GAB2: variants seen among roughly 807,000 people sequenced by gnomAD.
The protein encoded by GAB2 is GRB2 associated binding protein 2, also known as GRB2-associated-binding protein 2.
A neutral mutation model predicts 65.5 loss-of-function variants in GAB2; 26 were observed. That is an observed-to-expected ratio of 0.40 (90% CI 0.29 to 0.55). The LOEUF (loss-of-function observed/expected upper bound fraction) is 0.55, where lower values mean the gene tolerates loss of function less well. Ranked by LOEUF, GAB2 falls within the 20% of genes least tolerant of loss-of-function variation. The probability of loss-of-function intolerance (pLI) is 0.53; values close to 1 mark genes in which losing one functional copy is unlikely to be tolerated. For synonymous variants in GAB2, 321 were observed against 329.6 expected (o/e 0.97, Z 0.28); for missense variants, 884 against 875.8 (o/e 1.01, Z -0.12).
At chr11:78,303,843 A>G (rs1358910620) in intron 1 of GAB2, among the ~76,000 whole-genome samples, 4 of 152,242 alleles carry the variant, frequency 2.6e-5, no homozygotes, top group Non-Finnish European at 5.9e-5. Context: ...GCAAAGCAAC[A>G]GATGAGCTGT....
At position 78,220,427 on chromosome 11, in the gene GAB2, T is replaced by C. The variant is rs945942305; in HGVS notation, c.1779A>G (p.Ala593=). 3 of 1,583,612 alleles carry C rather than the reference T, an allele frequency of 1.9e-6. No homozygotes were observed. The highest frequency in any genetic ancestry group is 2.6e-6 in the Non-Finnish European group (3 of 1,157,902). ...NYVPMQNPVS[A]SPVPSGTNSP... The stretch of plus-strand genomic sequence containing the variant: ...TGTTCGTGCCACTGGGAACGGGAGA[T>C]GCAGACACTGGGTTTTGCTGTCACG... Residue 593 remains alanine (A), a synonymous_variant, in exon 9 of 10, where the codon GCA becomes GCG. Coordinates refer to ENST00000361507, the MANE Select transcript of GAB2 (RefSeq NM_080491.3).
At position 78,393,532 on chromosome 11, in the gene GAB2, G is replaced by C. The variant is rs568191492; in HGVS notation, c.75+24114C>G. Among the ~76,000 whole-genome samples, 3 of 152,218 alleles carry C rather than the reference G, an allele frequency of 2.0e-5. No individual in the cohort carries two copies. The South Asian group carries it at 6.2e-4, about 32-fold the overall frequency. On this transcript the variant is annotated intron_variant, in intron 1 of 9. Transcript: ENST00000361507. ...TGTCTAATATCAAAGAAGAATCAGG[G>C]AAGCCAAAACTATCCTTTCTGAGAG...
chr11:78,219,310 G>A lies in GAB2; in HGVS notation c.1993C>T (p.Arg665Trp), dbSNP rs747450985. The change falls in exon 10 of 10, where the codon CGG becomes TGG. Residue 665 changes from arginine (R) to tryptophan (W), a missense_variant. Physicochemically the swap from Arg to Trp is moderately radical, Grantham distance 101. Transcript: ENST00000361507. ...QNTMQEWTDV[R>W]QSSEPSKGAK... ...CCCTTGGAAGGCTCTGAGGACTGCC[G>A]CACGTCTGTCCACTCCTGCATGGTG... The A allele has an allele frequency of 2.5e-6, 4 of 1,613,842 alleles. No homozygotes were observed. The highest frequency in any genetic ancestry group is 1.1e-5 in the South Asian group (1 of 91,068).
chr11:78,375,509 G>T (rs1024718138), intron 1 of GAB2, among the ~76,000 whole-genome samples: 4 of 152,070 alleles, frequency 2.6e-5, no homozygotes, highest in Non-Finnish European at 5.9e-5. Context: ...GCAAATATAT[G>T]GTAAAATTAG....
chr11:78,343,166 T>A (rs1288987862), intron 1 of GAB2, among the ~76,000 whole-genome samples: 1 of 152,152 alleles, frequency 6.6e-6, no homozygotes, highest in East Asian at 1.9e-4. Context: ...ATCTGAACAG[T>A]TTATCTATTT....
At chr11:78,319,709 T>C (rs1295262337) in intron 1 of GAB2, among the ~76,000 whole-genome samples, 1 of 152,190 alleles carries the variant, frequency 6.6e-6, no homozygotes, top group East Asian at 1.9e-4. Context: ...TTATGAGATA[T>C]AAAATTATTA....
chr11:78,370,189 G>A (rs1856548801), intron 1 of GAB2, among the ~76,000 whole-genome samples: 2 of 149,330 alleles, frequency 1.3e-5, no homozygotes, highest in South Asian at 2.1e-4. Flanking sequence ...CCCGGGAGGC[G>A]GAGCTTGCAG....
intron 1 of GAB2, among the ~76,000 whole-genome samples, chr11:78,334,144 T>C (rs375098942): frequency 6.6e-6 from 1 of 152,326 alleles, no homozygotes; most frequent in African/African-American, 2.4e-5. Flanking sequence ...TGTGGGTACA[T>C]AGTAGGTATA....
chr11:78,282,107 C>G (rs761680105), intron 1 of GAB2, among the ~76,000 whole-genome samples: 3 of 152,170 alleles, frequency 2.0e-5, no homozygotes, highest in Non-Finnish European at 4.4e-5. Flanking sequence ...ACTAAGCTTT[C>G]AATATGTATT....
At chr11:78,324,633 T>A (rs1443641649) in intron 1 of GAB2, 3 of 152,226 alleles carry the variant, frequency 2.0e-5, no homozygotes, top group African/African-American at 7.2e-5. Context: ...CTAGATGCCA[T>A]GCTAAGTGCT....
chr11:78,258,801 A>G (rs753639412), intron 2 of GAB2, among the ~76,000 whole-genome samples: 28 of 152,136 alleles, frequency 1.8e-4, no homozygotes, highest in Admixed American at 5.2e-4. Flanking sequence ...CAATATATGA[A>G]TCAGTTATAA....
intron 2 of GAB2, among the ~76,000 whole-genome samples, chr11:78,280,280 G>C (rs772315914): frequency 1.3e-5 from 2 of 152,210 alleles, no homozygotes; most frequent in Non-Finnish European, 1.5e-5. Flanking sequence ...GACAGATAAT[G>C]GGACACAGAG....
In GAB2 at chr11:78,382,383, A is replaced by AT. The variant is rs565779767; in HGVS notation, c.75+35262dup. On this transcript the variant is annotated intron_variant, in intron 1 of 9. Coordinates refer to ENST00000361507, the MANE Select transcript of GAB2 (RefSeq NM_080491.3). ...GAGCAATATTCTTTTTTTTATTATT[A>AT]TTTTTTTTTTTTTGAGACAGAGTCT... Among the ~76,000 whole-genome samples, 959 of 142,764 alleles carry AT rather than the reference A, an allele frequency of 6.7e-3. 5 individuals are homozygous for AT. Among genetic ancestry groups the AT allele is most frequent in the African/African-American group, 0.021 (795 of 38,730 alleles). The allele number at this position is 142,764 out of a possible 152,430, so 93.7% of individuals were successfully genotyped here. A position where few individuals can be genotyped will look rare whatever the true frequency, so the allele number is the denominator to read the frequency against.
intron 3 of GAB2, chr11:78,231,925 T>C (rs971326903): frequency 1.3e-5 from 2 of 152,214 alleles, no homozygotes; most frequent in African/African-American, 4.8e-5. Context: ...AAGAGGTCAT[T>C]TGAACTATCC....
chr11:78,254,373 CAGAG>C, intron 2 of GAB2, among the ~76,000 whole-genome samples: 1 of 152,266 alleles, frequency 6.6e-6, no homozygotes, highest in East Asian at 1.9e-4. Flanking sequence ...TGGTCAAAAT[CAGAG>C]AGGTTTTAAG....
At chr11:78,416,968 G>A (rs148689423) in intron 1 of GAB2, among the ~76,000 whole-genome samples, 1,701 of 152,240 alleles carry the variant, frequency 0.011, 21 homozygotes, top group Middle Eastern at 0.017. Flanking sequence ...GGAGCTGCCC[G>A]GTCCCAAACC....
intron 1 of GAB2, among the ~76,000 whole-genome samples, chr11:78,353,720 T>A (rs1054099369): frequency 6.6e-6 from 1 of 152,244 alleles, no homozygotes; most frequent in African/African-American, 2.4e-5. Context: ...TAACTGCCTA[T>A]GGCTAATGAC....
Position 78,276,111 on chromosome 11 carries a change from C to CCAAAA in GAB2, c.376+4489_376+4490insTTTTG, listed in dbSNP as rs1554982081. 5.1e-5 allele frequency among the ~76,000 whole-genome samples: 5 copies of CCAAAA among 97,380 alleles called. No homozygotes were observed. The East Asian group carries it at 1.2e-3, about 23-fold the overall frequency. 63.9% of individuals were successfully genotyped at this position (97,380 alleles called of 152,430 possible). ...CCTGGACGACAGAGCAAGACTGTCTCAAAAAAAAAAAAAAAAAGAAGAAGA... is the reference window on the plus strand; with the variant it reads ...CCTGGACGACAGAGCAAGACTGTCTCCAAAAAAAAAAAAAAAAAAAAAGAAGAAGA... On this transcript the variant is annotated intron_variant, in intron 2 of 9. Coordinates refer to ENST00000361507, the MANE Select transcript of GAB2 (RefSeq NM_080491.3).
At chr11:78,274,772 G>A (rs1437769882) in intron 2 of GAB2, among the ~76,000 whole-genome samples, 1 of 152,132 alleles carries the variant, frequency 6.6e-6, no homozygotes, top group Non-Finnish European at 1.5e-5. Flanking sequence ...CCTGCCATAG[G>A]GACCCCTGGG....
Sources: gnomAD v4.1 joint callset for allele counts (sites outside exome capture counted in the v4.1 genomes callset) on GRCh38, gnomAD v4.1.1 for gene constraint, MANE v1.5 for transcripts, NCBI Gene and HGNC (gene_info 2026-07-23, HGNC 2026-07-21) for gene names.